GLE1: variants seen among roughly 807,000 people sequenced by gnomAD.
GLE1 encodes mRNA export factor GLE1.
GLE1 carries 78 observed loss-of-function variants against 97.3 expected under a neutral mutation model. The observed-to-expected ratio is 0.80, with a 90% confidence interval of 0.67 to 0.97. The LOEUF (loss-of-function observed/expected upper bound fraction) is 0.97, where lower values mean the gene tolerates loss of function less well. GLE1 is among the 50% of genes least tolerant of loss of function. GLE1 has a pLI of 0.00. For synonymous variants in GLE1, 302 were observed against 313.4 expected (o/e 0.96, Z 0.39); for missense variants, 753 against 857.5 (o/e 0.88, Z 1.52).
chr9:128,525,129 C>G (rs1847263973), intron 6 of GLE1, 63 bp from the exon 7 acceptor site: 2 of 1,186,542 alleles, frequency 1.7e-6, no homozygotes, highest in African/African-American at 1.5e-5. Context: ...AATTTATTGA[C>G]TTGTATGAGG....
At chr9:128,524,171 C>T (rs866237859) in intron 6 of GLE1, among the ~76,000 whole-genome samples, 4 of 146,112 alleles carry the variant, frequency 2.7e-5, no homozygotes, top group Middle Eastern at 3.6e-3. Flanking sequence ...CTCTGCCTCC[C>T]GGGCTCAAGT....
In GLE1 at chr9:128,523,267, AT is replaced by A; in HGVS notation, c.582-8del. ...GTATCCCTGACTATTCCTCCCTGCC[AT>A]TTTTCATGCAGCTCCAGAGAAGCCT... On this transcript the variant is annotated splice_polypyrimidine_tract_variant and intron_variant, in intron 4 of 15. Coordinates refer to ENST00000309971, the MANE Select transcript of GLE1 (RefSeq NM_001003722.2). 6.2e-7 allele frequency: 1 copy of A among 1,602,700 alleles called. No individual in the cohort carries two copies. The highest frequency in any genetic ancestry group is 8.6e-7 in the Non-Finnish European group (1 of 1,169,534).
rs371069460 is a variant in GLE1, at chr9:128,541,706, G to A, written c.*536G>A. 5.2e-4 allele frequency: 84 copies of A among 162,762 alleles called. No individual in the cohort carries two copies. The South Asian group carries it at 5.3e-3, about 10-fold the overall frequency. The allele number at this position is 162,762 out of a possible 1,614,324, so 10.1% of individuals were successfully genotyped here. On this transcript the variant is annotated 3_prime_UTR_variant, in exon 16 of 16. Coordinates refer to ENST00000309971, the MANE Select transcript of GLE1 (RefSeq NM_001003722.2). ...CTTGTGAAGTCATTCTAAAGCTAGA[G>A]GAAGTATGTGATATACACATGGACT...
rs542525999 is a variant in GLE1 at position 128,526,000 on chromosome 9, TTTGTTGTTG to T, written c.1129+595_1129+603del. ...GAGCCAGATCAGTGGGAGTCTGGTT[TTTGTTGTTG>T]TTGTTGTTGTTGTTGTTTTTTGCGG... is the stretch of plus-strand genomic sequence containing the variant. On this transcript the variant is annotated intron_variant, in intron 7 of 15. Coordinates refer to ENST00000309971, the MANE Select transcript of GLE1 (RefSeq NM_001003722.2). Among the ~76,000 whole-genome samples the T allele has an allele frequency of 3.4e-4, 52 of 151,940 alleles. 1 individual carries two copies. In the South Asian group the frequency reaches 6.5e-3, roughly 19 times the overall value.
chr9:128,505,171 G>A (rs1216393695), intron 1 of GLE1, among the ~76,000 whole-genome samples: 1 of 152,186 alleles, frequency 6.6e-6, no homozygotes, highest in African/African-American at 2.4e-5. Context: ...CGCCTTCTCC[G>A]TTCTGCTGTT....
chr9:128,527,441 G>T lies in GLE1; in HGVS notation c.1243-15G>T, dbSNP rs376195724. On this transcript the variant is annotated splice_polypyrimidine_tract_variant and intron_variant, in intron 8 of 15. Transcript: ENST00000309971. ...CTCTTCAGAACACTGCTTTCTCACT[G>T]TTCTCTTCTGGCAGGCCAAAAAGAT... The T allele has an allele frequency of 3.8e-6, 6 of 1,599,614 alleles. No homozygotes were observed. Among genetic ancestry groups the T allele is most frequent in the Non-Finnish European group, 5.1e-6 (6 of 1,167,122 alleles).
intron 6 of GLE1, among the ~76,000 whole-genome samples, chr9:128,524,804 A>G (rs1352191708): frequency 6.6e-6 from 1 of 152,006 alleles, no homozygotes; most frequent in Non-Finnish European, 1.5e-5. Flanking sequence ...AGGCACGAGC[A>G]GCACTTGAAC....
chr9:128,538,049 T>C lies in GLE1; in HGVS notation c.1840T>C (p.Leu614=), dbSNP rs1452910631. 2 of 1,612,114 alleles carry C rather than the reference T, an allele frequency of 1.2e-6. No individual in the cohort carries two copies. The highest frequency in any genetic ancestry group is 2.2e-5 in the South Asian group (2 of 91,024). Residue 614 remains leucine (L), a synonymous_variant, in exon 13 of 16, where the codon TTG becomes CTG. Coordinates refer to ENST00000309971, the MANE Select transcript of GLE1 (RefSeq NM_001003722.2). ...GGCACAGATCTTAAACATGGAGCCC[T>C]TGTCAGATGTGACAGCCACCCTCCT... The part of the protein sequence containing the change: ...WLAQILNMEP[L]SDVTATLLFD...
At chr9:128,521,062 A>G (rs1331225933) in intron 3 of GLE1, among the ~76,000 whole-genome samples, 3 of 152,000 alleles carry the variant, frequency 2.0e-5, no homozygotes, top group South Asian at 2.1e-4. Context: ...GCACCTGGCT[A>G]TTTCTCCACT....
At position 128,504,743 on chromosome 9, in the gene GLE1, G is replaced by A; in HGVS notation, c.-63G>A. The A allele has an allele frequency of 8.9e-7, 1 of 1,121,118 alleles. No homozygotes were observed. Among genetic ancestry groups the A allele is most frequent in the Non-Finnish European group, 1.4e-6 (1 of 734,950 alleles). 69.4% of individuals were successfully genotyped at this position (1,121,118 alleles called of 1,614,324 possible). A position where few individuals can be genotyped will look rare whatever the true frequency, so the allele number is the denominator to read the frequency against. On this transcript the variant is annotated 5_prime_UTR_variant, in exon 1 of 16. Transcript: ENST00000309971. ...CAGAAGCCTGTGTGGCCTTCCCGGC[G>A]GCTGATTCGAGGGCTTGTTTGGTCA...
Position 128,509,116 on chromosome 9 carries a change from T to G in GLE1, c.321+19T>G. The G allele has an allele frequency of 6.9e-7, 1 of 1,449,814 alleles. No homozygotes were observed. Among genetic ancestry groups the G allele is most frequent in the Non-Finnish European group, 9.7e-7 (1 of 1,030,208 alleles). 89.8% of individuals were successfully genotyped at this position (1,449,814 alleles called of 1,614,324 possible). ...AACCAAGGTAAGGTTGTGATCAGCT[T>G]AAGACAAAAGACATGGTGGCTGCAA... On this transcript the variant is annotated intron_variant, in intron 2 of 15. Transcript: ENST00000309971.
rs1051517952 is a variant in GLE1, at chr9:128,541,547, C to T, written c.*377C>T. ...GGAGCCCACCATTTGCACCCACCTA[C>T]CCACCCTCACCCCTGTTCAGATGAA... On this transcript the variant is annotated 3_prime_UTR_variant, in exon 16 of 16. Transcript: ENST00000309971. 1.8e-5 allele frequency: 5 copies of T among 274,976 alleles called. No homozygotes were observed. Among genetic ancestry groups the T allele is most frequent in the Non-Finnish European group, 3.5e-5 (5 of 142,036 alleles). The allele number at this position is 274,976 out of a possible 1,614,324, so 17.0% of individuals were successfully genotyped here.
Position 128,525,185 on chromosome 9 carries a change from C to CT in GLE1, c.898-6dup. The CT allele has an allele frequency of 6.2e-7, 1 of 1,606,438 alleles. No homozygotes were observed. The highest frequency in any genetic ancestry group is 8.5e-7 in the Non-Finnish European group (1 of 1,173,016). On this transcript the variant is annotated splice_region_variant and splice_polypyrimidine_tract_variant and intron_variant, in intron 6 of 15. Transcript: ENST00000309971. ...ACCACTAAGCACCATCTCCGTCACTCTGACAGAGCAGCTATCCCACAGCAG... is the reference window on the plus strand; with the variant it reads ...ACCACTAAGCACCATCTCCGTCACTCTTGACAGAGCAGCTATCCCACAGCAG...
In GLE1 at chr9:128,536,423, G is replaced by A; in HGVS notation, c.1715G>A (p.Gly572Glu). The A allele has an allele frequency of 1.9e-6, 3 of 1,614,034 alleles. No individual in the cohort carries two copies. The highest frequency in any genetic ancestry group is 2.5e-6 in the Non-Finnish European group (3 of 1,179,954). Residue 572 changes from glycine (G) to glutamate (E), a missense_variant, in exon 12 of 16, where the codon GGG becomes GAG. Transcript: ENST00000309971. The stretch of plus-strand genomic sequence containing the variant: ...GACAACTTTCTAAAACGCATGTCAG[G>A]GATGATCCGTCTCTACGCTGCTATC... The part of the protein sequence containing the change: ...QQDNFLKRMS[G>E]MIRLYAAIIQ...
chr9:128,513,018 A>G (rs915962159), intron 2 of GLE1, among the ~76,000 whole-genome samples: 7 of 152,136 alleles, frequency 4.6e-5, no homozygotes, highest in Non-Finnish European at 1.0e-4. Flanking sequence ...AAATTATTAA[A>G]TGGTTTTATG....
At chr9:128,532,831 CT>C in intron 9 of GLE1, 1 of 169,694 alleles carries the variant, frequency 5.9e-6, no homozygotes. Flanking sequence ...CACACAAAAT[CT>C]TTGGTACAAA....
At chr9:128,539,894 AT>A in intron 14 of GLE1, 196 bp downstream of exon 14, 5 of 1,468,078 alleles carry the variant, frequency 3.4e-6, no homozygotes, top group Non-Finnish European at 4.5e-6. Context: ...TCTGTCTTAA[AT>A]ATCATTGCCC....
intron 15 of GLE1, 83 bp downstream of exon 15, chr9:128,540,421 T>C: frequency 1.2e-6 from 1 of 836,232 alleles, no homozygotes; most frequent in East Asian, 2.4e-5. Context: ...GACCTTCCGA[T>C]GCTCTGATTG....
At chr9:128,526,260 TCCA>T (rs1483213341) in intron 7 of GLE1, among the ~76,000 whole-genome samples, 1 of 151,926 alleles carries the variant, frequency 6.6e-6, no homozygotes, top group Non-Finnish European at 1.5e-5. Context: ...GACCTCATGA[TCCA>T]CCCGCCTCGG....
Sources: gnomAD v4.1 joint callset for allele counts (sites outside exome capture counted in the v4.1 genomes callset) on GRCh38, gnomAD v4.1.1 for gene constraint, MANE v1.5 for transcripts, NCBI Gene and HGNC (gene_info 2026-07-23, HGNC 2026-07-21) for gene names.